Variants in ZBTB16 observed in about 807,000 individuals in gnomAD.
The protein encoded by ZBTB16 is zinc finger and BTB domain containing 16.
A neutral mutation model predicts 56.8 loss-of-function variants in ZBTB16; 8 were observed. The ratio of observed to expected loss-of-function variants is 0.14; its 90% CI spans 0.08 to 0.25. ZBTB16 has a LOEUF of 0.25. Ranked by LOEUF, ZBTB16 falls within the 10% of genes least tolerant of loss-of-function variation. ZBTB16 has a pLI of 1.00. For synonymous variants in ZBTB16, 363 were observed against 368.5 expected (o/e 0.98, Z 0.17); for missense variants, 625 against 903.0 (o/e 0.69, Z 3.95).
At chr11:114,101,665 C>T (rs777610710) in intron 2 of ZBTB16, among the ~76,000 whole-genome samples, 29 of 152,128 alleles carry the variant, frequency 1.9e-4, no homozygotes, top group Non-Finnish European at 3.5e-4. Flanking sequence ...GAATTGGGGA[C>T]GATATTGCCT....
At chr11:114,102,725 A>G (rs372340473) in intron 2 of ZBTB16, among the ~76,000 whole-genome samples, 20 of 152,306 alleles carry the variant, frequency 1.3e-4, no homozygotes, top group African/African-American at 3.8e-4. Context: ...CTGAACAGTC[A>G]TTTAATTATT....
At chr11:114,106,150 T>G (rs1940780874) in intron 2 of ZBTB16, among the ~76,000 whole-genome samples, 1 of 152,176 alleles carries the variant, frequency 6.6e-6, no homozygotes, top group Non-Finnish European at 1.5e-5. Flanking sequence ...AACGCTGTTC[T>G]GGATGGTGCC....
At chr11:114,171,796 C>T (rs1214637851) in intron 3 of ZBTB16, among the ~76,000 whole-genome samples, 1 of 152,262 alleles carries the variant, frequency 6.6e-6, no homozygotes, top group African/African-American at 2.4e-5. Context: ...CTATCTGCTT[C>T]CTTCCTCCAT....
chr11:114,213,752 G>A (rs1944040680), intron 4 of ZBTB16, among the ~76,000 whole-genome samples: 2 of 152,164 alleles, frequency 1.3e-5, no homozygotes, highest in African/African-American at 4.8e-5. Flanking sequence ...TCATCTCTTT[G>A]AATCCACATA....
At chr11:114,140,165 T>A (rs1396877906) in intron 2 of ZBTB16, among the ~76,000 whole-genome samples, 1 of 152,242 alleles carries the variant, frequency 6.6e-6, no homozygotes, top group Non-Finnish European at 1.5e-5. Flanking sequence ...GATGCTGTTT[T>A]GGTGCCTGTT....
intron 4 of ZBTB16, among the ~76,000 whole-genome samples, chr11:114,217,657 A>T (rs560852028): frequency 1.3e-5 from 2 of 152,332 alleles, no homozygotes; most frequent in Admixed American, 1.3e-4. Context: ...AGAGAAGTCC[A>T]GGCTGGAGGC....
At chr11:114,075,543 G>A (rs932151234) in intron 2 of ZBTB16, among the ~76,000 whole-genome samples, 2 of 151,152 alleles carry the variant, frequency 1.3e-5, no homozygotes, top group East Asian at 1.9e-4. Context: ...TGCAACTTCC[G>A]CCTCCTGGGT....
chr11:114,234,835 G>A (rs1368200763), intron 4 of ZBTB16, among the ~76,000 whole-genome samples: 2 of 152,178 alleles, frequency 1.3e-5, no homozygotes, highest in African/African-American at 4.8e-5. Flanking sequence ...TTTCTCTCTT[G>A]CCGAGTGGAT....
rs1050919937 is a variant in ZBTB16 at position 114,255,652 on chromosome 11, C to T, written c.*5097C>T. Among the ~76,000 whole-genome samples the T allele has an allele frequency of 2.6e-5, 4 of 151,072 alleles. No homozygotes were observed. The highest frequency in any genetic ancestry group is 6.6e-5 in the Admixed American group (1 of 15,090). ...TTGTGCAGTCCTGGTTGCAGCTTTC[C>T]GCATCTGCCTTCGTTTCGTGTAGAT... On this transcript the variant is annotated 3_prime_UTR_variant, in exon 7 of 7. Coordinates refer to ENST00000335953, the MANE Select transcript of ZBTB16 (RefSeq NM_006006.6).
At chr11:114,141,232 TAACATTTCCAA>T (rs1162183011) in intron 2 of ZBTB16, among the ~76,000 whole-genome samples, 1 of 152,206 alleles carries the variant, frequency 6.6e-6, no homozygotes, top group Non-Finnish European at 1.5e-5. Context: ...TTTCCATTCT[TAACATTTCCAA>T]ACATGGGTAG....
At chr11:114,239,240 T>C (rs772316648) in intron 4 of ZBTB16, among the ~76,000 whole-genome samples, 1 of 152,180 alleles carries the variant, frequency 6.6e-6, no homozygotes, top group Non-Finnish European at 1.5e-5. Context: ...GGGAATGCCA[T>C]TCATGTTCCC....
At position 114,143,611 on chromosome 11, in the gene ZBTB16, G is replaced by C. The variant is rs1236057957; in HGVS notation, c.1269-12726G>C. Among the ~76,000 whole-genome samples the C allele has an allele frequency of 2.6e-5, 4 of 152,188 alleles. No homozygotes were observed. Among genetic ancestry groups the C allele is most frequent in the East Asian group, 1.9e-4 (1 of 5,192 alleles). On this transcript the variant is annotated intron_variant, in intron 2 of 6. Transcript: ENST00000335953. This position sits in a 1 kb window ranked among gnomAD's most constrained non-coding sequence, Gnocchi z 6.4. ...CCCTCCATCCCAGATGTGTGATGTT[G>C]TGGTCAGGTGATCACTGATGTGTGT...
chr11:114,224,468 A>C (rs1591795672), intron 4 of ZBTB16, among the ~76,000 whole-genome samples: 4 of 152,348 alleles, frequency 2.6e-5, no homozygotes, highest in South Asian at 2.1e-4. Flanking sequence ...CAGGGTGTGC[A>C]TGACATCCAA....
At chr11:114,111,095 G>A in intron 2 of ZBTB16, among the ~76,000 whole-genome samples, 1 of 152,004 alleles carries the variant, frequency 6.6e-6, no homozygotes, top group Non-Finnish European at 1.5e-5. Context: ...CCAAAAAGCA[G>A]TGACATGTTT....
At chr11:114,082,370 T>G (rs1939798502) in intron 2 of ZBTB16, among the ~76,000 whole-genome samples, 1 of 152,144 alleles carries the variant, frequency 6.6e-6, no homozygotes, top group South Asian at 2.1e-4. Context: ...TGGGATAGCC[T>G]GAGGATTTGG....
At chr11:114,086,156 A>G (rs760425221) in intron 2 of ZBTB16, among the ~76,000 whole-genome samples, 1 of 152,176 alleles carries the variant, frequency 6.6e-6, no homozygotes, top group Non-Finnish European at 1.5e-5. Context: ...TTTCACATTC[A>G]TGCTGTACCC....
intron 2 of ZBTB16, among the ~76,000 whole-genome samples, chr11:114,077,778 G>A (rs577381911): frequency 2.0e-5 from 3 of 152,332 alleles, no homozygotes; most frequent in African/African-American, 7.2e-5. Flanking sequence ...GTTCCTGTGG[G>A]TTTCCAGGGT....
chr11:114,182,706 C>T (rs1279687264), intron 3 of ZBTB16, among the ~76,000 whole-genome samples: 3 of 152,300 alleles, frequency 2.0e-5, no homozygotes, highest in East Asian at 1.9e-4. Flanking sequence ...CCTCCCACTT[C>T]GCCCCCTCCC....
rs527414621 is a variant in ZBTB16, at chr11:114,254,788, G to A, written c.*4233G>A. On this transcript the variant is annotated 3_prime_UTR_variant, in exon 7 of 7. Transcript: ENST00000335953. ...ACTTACCTGGATATTTCAGTGGGAG[G>A]ATGAAAGGCGAGACTCACCCTACGC... is the stretch of plus-strand genomic sequence containing the variant. Among the ~76,000 whole-genome samples, 2 of 152,302 alleles carry A rather than the reference G, an allele frequency of 1.3e-5. No individual in the cohort carries two copies. The highest frequency in any genetic ancestry group is 4.1e-4 in the South Asian group (2 of 4,824).
Sources: gnomAD v4.1 joint callset for allele counts (sites outside exome capture counted in the v4.1 genomes callset) on GRCh38, gnomAD v4.1.1 for gene constraint, Gnocchi (gnomAD v3.1) non-coding constraint, MANE v1.5 for transcripts, NCBI Gene and HGNC (gene_info 2026-07-23, HGNC 2026-07-21) for gene names.